Variants in ZNF780B observed in about 807,000 individuals in gnomAD.
The protein encoded by ZNF780B is zinc finger protein 779.
ZNF780B carries 52 observed loss-of-function variants against 74.1 expected under a neutral mutation model. The observed-to-expected ratio is 0.70, with a 90% CI of 0.56 to 0.88. The LOEUF is 0.88. Among genes scored for constraint, ZNF780B ranks in the 40% least tolerant of loss-of-function variants. The pLI, the probability that ZNF780B is intolerant of heterozygous loss-of-function variation, is 0.00. For synonymous variants in ZNF780B, 315 were observed against 324.3 expected, an observed-to-expected ratio of 0.97 and a Z score of 0.31; for missense variants, 953 against 1,007.6, an observed-to-expected ratio of 0.95 and a Z score of 0.73.
At chr19:40,046,655 TC>T (rs1412991106) in intron 4 of ZNF780B, among the ~76,000 whole-genome samples, 1 of 152,220 alleles carries the variant, frequency 6.6e-6, no homozygotes, top group African/African-American at 2.4e-5. Context: ...CACTCCTATT[TC>T]CTTGTCTCTA....
intron 4 of ZNF780B, among the ~76,000 whole-genome samples, chr19:40,047,074 T>G (rs1205034562): frequency 6.6e-6 from 1 of 152,174 alleles, no homozygotes; most frequent in Non-Finnish European, 1.5e-5. Flanking sequence ...TGCTGCCTCT[T>G]AAAAAATAAT....
Position 40,036,499 on chromosome 19 carries a change from A to G in ZNF780B, c.360T>C (p.Asn120=), listed in dbSNP as rs973562819. The G allele has an allele frequency of 3.7e-6, 6 of 1,609,592 alleles. No individual in the cohort carries two copies. In the Admixed American group the frequency reaches 6.8e-5, roughly 18 times the overall value. ...TLGLEAFYFR[N]DSEYRSRFEG... is the part of the protein sequence containing the mutation. ...CAAATCTACTTCTATATTCTGAGTC[A>G]TTTCTAAAATAAAAGGCCTCGAGGC... Residue 120 remains asparagine, a synonymous_variant, in exon 5 of 5, where the codon AAT becomes AAC. Transcript: ENST00000434248.
At chr19:40,041,387 T>C (rs1264483768) in intron 4 of ZNF780B, among the ~76,000 whole-genome samples, 1 of 152,186 alleles carries the variant, frequency 6.6e-6, no homozygotes, top group Non-Finnish European at 1.5e-5. Flanking sequence ...ATTCTGTTGA[T>C]TTGGGGTGGA....
In ZNF780B at chr19:40,035,978, T is replaced by C. The variant is rs954368338; in HGVS notation, c.881A>G (p.Gln294Arg). 6 of 1,613,956 alleles carry C rather than the reference T, an allele frequency of 3.7e-6. No individual in the cohort carries two copies. The highest frequency in any genetic ancestry group is 2.2e-5 in the East Asian group (1 of 44,868). Residue 294 changes from glutamine to arginine, a missense_variant, in exon 5 of 5, where the codon CAG becomes CGG. Physicochemically the swap from Gln to Arg is conservative, Grantham distance 43 (BLOSUM62 1). Transcript: ENST00000434248. ...KAFNRGSNLI[Q>R]HQKIHSNEKP... Reference sequence around the variant, plus strand: ...CTCATTGGAATGAATTTTTTGATGCTGAATAAGATTTGAACCACGATTAAA... The same window carrying C: ...CTCATTGGAATGAATTTTTTGATGCCGAATAAGATTTGAACCACGATTAAA...
chr19:40,053,139 A>G (rs1973314112), intron 1 of ZNF780B, among the ~76,000 whole-genome samples: 1 of 152,204 alleles, frequency 6.6e-6, no homozygotes, highest in South Asian at 2.1e-4. Context: ...AAGTGAAGAG[A>G]CTACCTACAG....
intron 4 of ZNF780B, among the ~76,000 whole-genome samples, 152 bp from the exon 5 acceptor site, chr19:40,036,778 G>C (rs778968589): frequency 2.0e-5 from 3 of 152,188 alleles, no homozygotes; most frequent in Non-Finnish European, 2.9e-5. Context: ...ATTTATGTAA[G>C]ATGGTGGTGT....
At position 40,034,269 on chromosome 19, in the gene ZNF780B, G is replaced by A. The variant is rs1181224044; in HGVS notation, c.*88C>T. On this transcript the variant is annotated 3_prime_UTR_variant, in exon 5 of 5. Transcript: ENST00000434248. ...TTTCCCACATCCTTGACATTCATAA[G>A]GGTTCTCACGAATATGAAATCTATA... 2.7e-6 allele frequency: 3 copies of A among 1,127,066 alleles called. No homozygotes were observed. The highest frequency in any genetic ancestry group is 2.0e-4 in the Middle Eastern group (1 of 4,940). 69.8% of individuals were successfully genotyped at this position (1,127,066 alleles called of 1,614,324 possible).
intron 3 of ZNF780B, 40 bp from the exon 4 acceptor site, chr19:40,047,510 TA>T (rs200752804): frequency 3.4e-6 from 5 of 1,475,754 alleles, no homozygotes; most frequent in South Asian, 2.6e-5. Flanking sequence ...TTTTTTAATA[TA>T]AAAATTTTTT....
intron 4 of ZNF780B, among the ~76,000 whole-genome samples, chr19:40,037,415 C>G (rs1972392145): frequency 6.6e-6 from 1 of 151,960 alleles, no homozygotes; most frequent in Non-Finnish European, 1.5e-5. Flanking sequence ...TTCCTGCAGT[C>G]CAAAGTCTGG....
chr19:40,046,228 T>G (rs1328624543), intron 4 of ZNF780B, among the ~76,000 whole-genome samples: 1 of 152,178 alleles, frequency 6.6e-6, no homozygotes, highest in East Asian at 1.9e-4. Context: ...ATTGTATATT[T>G]CAAAATAGCT....
Position 40,035,359 on chromosome 19 carries a change from T to C in ZNF780B, c.1500A>G (p.Pro500=), listed in dbSNP as rs1362123325. 3.1e-6 allele frequency: 5 copies of C among 1,614,070 alleles called. No individual in the cohort carries two copies. The highest frequency in any genetic ancestry group is 1.7e-5 in the Admixed American group (1 of 60,006). Residue 500 remains proline, a synonymous_variant, in exon 5 of 5, where the codon CCA becomes CCG. Transcript: ENST00000434248. Reference sequence around the variant, plus strand: ...CCTTCCCACAGTCTTTACATTCAAATGGTTTCTCACCAGTATGAATGTTCT... The same window carrying C: ...CCTTCCCACAGTCTTTACATTCAAACGGTTTCTCACCAGTATGAATGTTCT... ...RHKNIHTGEK[P]FECKDCGKAF...
chr19:40,043,267 C>T (rs1264708047), intron 4 of ZNF780B, among the ~76,000 whole-genome samples: 2 of 152,154 alleles, frequency 1.3e-5, no homozygotes, highest in Non-Finnish European at 2.9e-5. Context: ...GCTGCCTGAT[C>T]GTTCCTCTGG....
chr19:40,036,900 G>C (rs1972355827), intron 4 of ZNF780B, among the ~76,000 whole-genome samples: 1 of 148,530 alleles, frequency 6.7e-6, no homozygotes, highest in African/African-American at 2.6e-5. Flanking sequence ...AGAATTTTTA[G>C]TGAAGAAAGC....
Position 40,030,354 on chromosome 19 carries a change from C to T in ZNF780B, c.*4003G>A, listed in dbSNP as rs1971965585. 1 of 152,192 alleles carries T rather than the reference C, an allele frequency of 6.6e-6. No individual in the cohort carries two copies. Among genetic ancestry groups the T allele is most frequent in the Non-Finnish European group, 1.5e-5 (1 of 68,054 alleles). The allele number at this position is 152,192 out of a possible 1,614,324, so 9.4% of individuals were successfully genotyped here. A position where few individuals can be genotyped will look rare whatever the true frequency, so the allele number is the denominator to read the frequency against. ...TACAACCAGCTCTCATAGGAACTAA[C>T]AGAGTGATAATTCACCCCCCAATCC... On this transcript the variant is annotated 3_prime_UTR_variant, in exon 5 of 5. Transcript: ENST00000434248.
chr19:40,040,336 A>G (rs1044515201), intron 4 of ZNF780B, among the ~76,000 whole-genome samples: 1 of 152,320 alleles, frequency 6.6e-6, no homozygotes, highest in Admixed American at 6.5e-5. Flanking sequence ...GGATTTTTGC[A>G]TCAATGTTCA....
At chr19:40,054,600 A>G (rs776146468) in intron 1 of ZNF780B, among the ~76,000 whole-genome samples, 3 of 152,254 alleles carry the variant, frequency 2.0e-5, no homozygotes, top group Non-Finnish European at 4.4e-5. Context: ...ATCACAATGA[A>G]TCACATATTC....
chr19:40,052,528 C>T (rs1482403556), intron 1 of ZNF780B, among the ~76,000 whole-genome samples: 1 of 151,464 alleles, frequency 6.6e-6, no homozygotes, highest in Non-Finnish European at 1.5e-5. Context: ...CGTGGAGTTA[C>T]AAGAACTCAG....
chr19:40,047,370 C>T lies in ZNF780B; in HGVS notation c.232+5G>A. ...CTTCCCCCTGCCTGCTTTACTCTCA[C>T]TTACCTGGATACCATCTGCTTGTTT... On this transcript the variant is annotated splice_donor_5th_base_variant and intron_variant, in intron 4 of 4. Transcript: ENST00000434248. 2 of 1,611,624 alleles carry T rather than the reference C, an allele frequency of 1.2e-6. No homozygotes were observed. Among genetic ancestry groups the T allele is most frequent in the Non-Finnish European group, 1.7e-6 (2 of 1,177,878 alleles).
At chr19:40,043,064 G>A (rs1181349811) in intron 4 of ZNF780B, among the ~76,000 whole-genome samples, 3 of 150,518 alleles carry the variant, frequency 2.0e-5, no homozygotes, top group Non-Finnish European at 3.0e-5. Context: ...TGATGGTGAC[G>A]TACAGATGGG....
Sources: allele counts gnomAD v4.1 joint callset (sites outside exome capture counted in the v4.1 genomes callset), GRCh38; gene constraint gnomAD v4.1.1; transcripts MANE v1.5; gene names NCBI Gene and HGNC (gene_info 2026-07-23, HGNC 2026-07-21).